The following MGME1 variants were observed in gnomAD, a reference collection of about 807,000 sequenced individuals.
MGME1 encodes the protein chromosome 20 open reading frame 72.
In MGME1, 22 loss-of-function variants were observed where a neutral mutation model predicts 33.0. The ratio of observed to expected loss-of-function variants is 0.67; its 90% CI spans 0.48 to 0.95. The LOEUF (loss-of-function observed/expected upper bound fraction) is 0.95, where lower values mean the gene tolerates loss of function less well. Ranked by LOEUF, MGME1 falls within the 40% of genes least tolerant of loss-of-function variation. The probability of loss-of-function intolerance (pLI) is 0.00; values close to 1 mark genes in which losing one functional copy is unlikely to be tolerated. For synonymous variants in MGME1, 133 were observed against 144.0 expected (o/e 0.92, Z 0.55); for missense variants, 383 against 397.8 (o/e 0.96, Z 0.32).
At chr20:17,984,854 G>A (rs575685802) in intron 3 of MGME1, among the ~76,000 whole-genome samples, 2 of 151,854 alleles carry the variant, frequency 1.3e-5, no homozygotes, top group African/African-American at 2.4e-5. Flanking sequence ...TAGGCAACAC[G>A]ATGAAACTCC....
In MGME1 at chr20:17,987,903, AGG is replaced by A. The variant is rs574548512; in HGVS notation, c.732-261_732-260del. On this transcript the variant is annotated intron_variant, in intron 3 of 4. Coordinates refer to ENST00000377710, the MANE Select transcript of MGME1 (RefSeq NM_052865.4). ...CACTGGTTATTTGATGCAAAAAAAG[AGG>A]GAGAAAAAGTGGGGGGGTGCACTTA... is the stretch of plus-strand genomic sequence containing the variant. Among the ~76,000 whole-genome samples the A allele has an allele frequency of 4.2e-3, 637 of 151,986 alleles. 6 individuals carry two copies. Among genetic ancestry groups the A allele is most frequent in the African/African-American group, 0.015 (616 of 41,450 alleles).
chr20:17,989,493 T>C (rs2036237979), intron 4 of MGME1, among the ~76,000 whole-genome samples: 2 of 151,882 alleles, frequency 1.3e-5, no homozygotes, highest in African/African-American at 2.4e-5. Context: ...GGTGGGCAGA[T>C]TGCTTGAGCC....
rs529436938 is a variant in MGME1 at position 17,986,378 on chromosome 20, T to G, written c.732-1788T>G. Among the ~76,000 whole-genome samples the G allele has an allele frequency of 4.7e-5, 7 of 149,892 alleles. No homozygotes were observed. In the East Asian group the frequency reaches 1.2e-3, roughly 25 times the overall value. On this transcript the variant is annotated intron_variant, in intron 3 of 4. Coordinates refer to ENST00000377710, the MANE Select transcript of MGME1 (RefSeq NM_052865.4). ...GCCACCGTGCCCGGCAGAATTTTTTTTTTTTCTTTTTTCCTGAGACAGGGT... is the reference window on the plus strand; with the variant it reads ...GCCACCGTGCCCGGCAGAATTTTTTGTTTTTCTTTTTTCCTGAGACAGGGT...
intron 2 of MGME1, among the ~76,000 whole-genome samples, chr20:17,974,156 C>A (rs762408492): frequency 1.3e-5 from 2 of 149,136 alleles, no homozygotes; most frequent in Non-Finnish European, 3.0e-5. Flanking sequence ...CCTCTGCCTC[C>A]TGGGTTCAAG....
At chr20:17,975,321 G>A (rs1479240819) in intron 2 of MGME1, among the ~76,000 whole-genome samples, 2 of 152,040 alleles carry the variant, frequency 1.3e-5, no homozygotes, top group African/African-American at 4.8e-5. Context: ...CACTTTGGGA[G>A]GCCAAGGCTG....
chr20:17,968,690 TG>T (rs1303534478), upstream of MGME1: 2 of 561,464 alleles, frequency 3.6e-6, no homozygotes, highest in Admixed American at 2.7e-5. Context: ...AGACGCCACG[TG>T]GGGCCTACCC....
intron 3 of MGME1, among the ~76,000 whole-genome samples, chr20:17,987,606 G>A (rs2036186166): frequency 6.6e-6 from 1 of 152,040 alleles, no homozygotes. Context: ...ATGACACATG[G>A]CTCACATTTT....
intron 3 of MGME1, among the ~76,000 whole-genome samples, chr20:17,983,365 C>A (rs1289359641): frequency 6.8e-6 from 1 of 146,952 alleles, no homozygotes; most frequent in Non-Finnish European, 1.5e-5. Flanking sequence ...GCATCTTGGC[C>A]TTTGTAAATA....
At chr20:17,982,125 T>G (rs1218731969) in intron 3 of MGME1, among the ~76,000 whole-genome samples, 1 of 152,182 alleles carries the variant, frequency 6.6e-6, no homozygotes, top group East Asian at 1.9e-4. Flanking sequence ...CAGATTCATT[T>G]GTTTATTTAT....
At chr20:17,987,189 A>AT (rs1555791612) in intron 3 of MGME1, among the ~76,000 whole-genome samples, 1 of 145,408 alleles carries the variant, frequency 6.9e-6, no homozygotes, top group Non-Finnish European at 1.5e-5. Context: ...AAAAAAAAAA[A>AT]GAAGAACCAG....
intron 2 of MGME1, chr20:17,972,682 G>T: frequency 3.0e-6 from 3 of 985,298 alleles, no homozygotes; most frequent in Non-Finnish European, 3.6e-6. Context: ...CTGAGCCTTA[G>T]TGTCTAAAGG....
chr20:17,976,132 G>T (rs2035861053), intron 3 of MGME1, among the ~76,000 whole-genome samples: 1 of 151,774 alleles, frequency 6.6e-6, no homozygotes, highest in African/African-American at 2.4e-5. Flanking sequence ...TATATTCTTT[G>T]TTTGTTTGTT....
chr20:17,990,171 G>A lies in MGME1; in HGVS notation c.*62G>A, dbSNP rs2122641280. 2.1e-6 allele frequency: 3 copies of A among 1,423,694 alleles called. No individual in the cohort carries two copies. The East Asian group carries it at 6.9e-5, about 33-fold the overall frequency. 88.2% of individuals were successfully genotyped at this position (1,423,694 alleles called of 1,614,324 possible). A position where few individuals can be genotyped will look rare whatever the true frequency, so the allele number is the denominator to read the frequency against. ...TCACAGTTTGGGAACATATATTGCT[G>A]TTTACTCCAGTGTAAAAATGAGGTG... On this transcript the variant is annotated 3_prime_UTR_variant, in exon 5 of 5. Coordinates refer to ENST00000377710, the MANE Select transcript of MGME1 (RefSeq NM_052865.4).
At position 17,988,840 on chromosome 20, in the gene MGME1, C is replaced by T. The variant is rs368165855; in HGVS notation, c.864+542C>T. 7.9e-5 allele frequency among the ~76,000 whole-genome samples: 12 copies of T among 151,812 alleles called. No homozygotes were observed. The East Asian group carries it at 9.8e-4, about 12-fold the overall frequency. On this transcript the variant is annotated intron_variant, in intron 4 of 4. Transcript: ENST00000377710. Reference sequence around the variant, plus strand: ...CTTTTTGGCTGGGCACAGTGGCTCACGCACTTTGGGAGGCCGAGGCAGGCA... The same window carrying T: ...CTTTTTGGCTGGGCACAGTGGCTCATGCACTTTGGGAGGCCGAGGCAGGCA...
At chr20:17,981,460 A>T (rs2036015983) in intron 3 of MGME1, among the ~76,000 whole-genome samples, 1 of 152,240 alleles carries the variant, frequency 6.6e-6, no homozygotes, top group Non-Finnish European at 1.5e-5. Flanking sequence ...AGAGTGCTTA[A>T]TGCATACTAT....
intron 4 of MGME1, among the ~76,000 whole-genome samples, chr20:17,989,138 C>T (rs2036227570): frequency 6.6e-6 from 1 of 151,972 alleles, no homozygotes; most frequent in Non-Finnish European, 1.5e-5. Context: ...ATAATTCCAG[C>T]ACTTTGGGAG....
At chr20:17,986,025 T>C (rs1009766925) in intron 3 of MGME1, among the ~76,000 whole-genome samples, 1 of 137,964 alleles carries the variant, frequency 7.2e-6, no homozygotes, top group Non-Finnish European at 1.6e-5. Context: ...TCCGTGTTAA[T>C]TTTAGGATTT....
At chr20:17,968,810 G>A (rs892177755), upstream of MGME1, 3 of 240,682 alleles carry the variant, frequency 1.2e-5, no homozygotes, top group East Asian at 1.0e-4. Flanking sequence ...GTTTCGGTGC[G>A]GGGGGAATTT....
intron 4 of MGME1, among the ~76,000 whole-genome samples, chr20:17,989,388 C>CAAATAAATAAATAAATAAATAAATAAAT (rs58644150): frequency 1.4e-5 from 2 of 142,474 alleles, no homozygotes; most frequent in African/African-American, 5.4e-5. Flanking sequence ...TGTCTCTCTC[C>CAAATAAATAAATAAATAAATAAATAAAT]AAATAAATAA....
Sources: allele counts gnomAD v4.1 joint callset (sites outside exome capture counted in the v4.1 genomes callset), GRCh38; gene constraint gnomAD v4.1.1; transcripts MANE v1.5; gene names NCBI Gene and HGNC (gene_info 2026-07-23, HGNC 2026-07-21).